Variants in TOX observed in about 807,000 individuals in gnomAD.
TOX encodes the protein thymocyte selection-associated high mobility group box protein TOX.
TOX carries 11 observed loss-of-function variants against 53.7 expected under a neutral mutation model. That is an observed-to-expected ratio of 0.20 (90% CI 0.13 to 0.34). The LOEUF (loss-of-function observed/expected upper bound fraction) is 0.34, where lower values mean the gene tolerates loss of function less well. Ranked by LOEUF, TOX falls within the 10% of genes least tolerant of loss-of-function variation. TOX has a pLI of 1.00. For synonymous variants in TOX, 225 were observed against 245.3 expected, an observed-to-expected ratio of 0.92 and a Z score of 0.77; for missense variants, 570 against 664.6, an observed-to-expected ratio of 0.86 and a Z score of 1.56.
chr8:58,978,455 C>G (rs547628176), intron 1 of TOX, among the ~76,000 whole-genome samples: 2 of 152,206 alleles, frequency 1.3e-5, no homozygotes, highest in Admixed American at 1.3e-4. Flanking sequence ...TATGCACGCA[C>G]AGTGGTCTTA....
At chr8:59,062,213 G>A (rs1192784190) in intron 1 of TOX, among the ~76,000 whole-genome samples, 1 of 152,154 alleles carries the variant, frequency 6.6e-6, no homozygotes, top group African/African-American at 2.4e-5. Flanking sequence ...GAAGGGGTAA[G>A]GAGAGGTGGT....
intron 1 of TOX, among the ~76,000 whole-genome samples, chr8:59,030,649 T>G (rs773623704): frequency 2.0e-5 from 3 of 152,214 alleles, no homozygotes; most frequent in Non-Finnish European, 4.4e-5. Flanking sequence ...TAGAGTTCCT[T>G]GGTAACATCT....
Position 59,077,127 on chromosome 8 carries a change from A to G in TOX, c.102+41759T>C, listed in dbSNP as rs548530491. 3.3e-5 allele frequency among the ~76,000 whole-genome samples: 5 copies of G among 152,292 alleles called. No homozygotes were observed. In the South Asian group the frequency reaches 1.0e-3, roughly 32 times the overall value. ...GCAGAGCTCTGACCCACACCCCATA[A>G]GGCAGCTCTGCTCTGGGATGAACAT... On this transcript the variant is annotated intron_variant, in intron 1 of 8. Transcript: ENST00000361421.
At chr8:59,047,799 C>T (rs1803716617) in intron 1 of TOX, among the ~76,000 whole-genome samples, 2 of 152,104 alleles carry the variant, frequency 1.3e-5, no homozygotes, top group Admixed American at 1.3e-4. Flanking sequence ...CAAAACATCA[C>T]AGAATTCAAT....
intron 1 of TOX, among the ~76,000 whole-genome samples, chr8:59,072,878 C>G (rs572938958): frequency 2.8e-4 from 42 of 152,182 alleles, no homozygotes; most frequent in Non-Finnish European, 5.4e-4. Flanking sequence ...TCCAGAATGT[C>G]TTATACTTTG....
At chr8:58,909,660 C>T (rs1213452637) in intron 3 of TOX, among the ~76,000 whole-genome samples, 5 of 143,038 alleles carry the variant, frequency 3.5e-5, no homozygotes, top group African/African-American at 1.3e-4. Context: ...CTCTCTCTCT[C>T]TTTTTTTTTT....
At chr8:58,810,470 A>G (rs1038917708) in intron 7 of TOX, among the ~76,000 whole-genome samples, 4 of 152,116 alleles carry the variant, frequency 2.6e-5, no homozygotes, top group Non-Finnish European at 4.4e-5. Context: ...CCTCCCAAGT[A>G]GCTGGGACTA....
intron 1 of TOX, among the ~76,000 whole-genome samples, chr8:59,046,773 C>T (rs779642209): frequency 1.4e-4 from 19 of 134,658 alleles, no homozygotes; most frequent in Non-Finnish European, 2.5e-4. Flanking sequence ...CATGAGAATT[C>T]GCTTGAACCT....
At chr8:59,079,914 G>A (rs934158806) in intron 1 of TOX, among the ~76,000 whole-genome samples, 2 of 152,174 alleles carry the variant, frequency 1.3e-5, no homozygotes, top group African/African-American at 4.8e-5. Context: ...GCTGCCCAAG[G>A]CCTTGGAACC....
At chr8:58,817,864 G>A (rs1415530817) in intron 6 of TOX, among the ~76,000 whole-genome samples, 3 of 152,098 alleles carry the variant, frequency 2.0e-5, no homozygotes, top group South Asian at 4.2e-4. Flanking sequence ...CTGTAAAAAT[G>A]TTTTCATTTT....
At chr8:58,835,459 T>A (rs1810529815) in intron 5 of TOX, among the ~76,000 whole-genome samples, 1 of 152,124 alleles carries the variant, frequency 6.6e-6, no homozygotes. Context: ...ATTTTTGGGG[T>A]CTGTAAATAA....
intron 3 of TOX, among the ~76,000 whole-genome samples, chr8:58,911,954 G>A (rs1320782597): frequency 3.3e-5 from 5 of 152,064 alleles, no homozygotes; most frequent in South Asian, 2.1e-4. Context: ...TGCCTACCTC[G>A]GCCTCCCAAA....
chr8:59,105,114 A>T (rs961406094), intron 1 of TOX, among the ~76,000 whole-genome samples: 6 of 152,058 alleles, frequency 3.9e-5, no homozygotes, highest in Non-Finnish European at 7.4e-5. Flanking sequence ...CGCATTCCAA[A>T]TTTTTTTTAA....
chr8:59,009,053 C>T (rs1813847281), intron 1 of TOX, among the ~76,000 whole-genome samples: 1 of 151,834 alleles, frequency 6.6e-6, no homozygotes, highest in African/African-American at 2.4e-5. Flanking sequence ...TTCCATTTTT[C>T]CTTCCTTTCT....
chr8:58,892,707 A>G (rs1220997753), intron 3 of TOX, among the ~76,000 whole-genome samples: 1 of 152,124 alleles, frequency 6.6e-6, no homozygotes, highest in African/African-American at 2.4e-5. Flanking sequence ...AAATGTATGG[A>G]CTGTATTGCT....
chr8:58,975,492 C>G (rs1813079693), intron 1 of TOX, among the ~76,000 whole-genome samples: 1 of 152,016 alleles, frequency 6.6e-6, no homozygotes, highest in Admixed American at 6.6e-5. Context: ...CACAATAAAG[C>G]AAATATCAAA....
In TOX at chr8:58,901,713, C is replaced by T. The variant is rs188096252; in HGVS notation, c.411+37589G>A. On this transcript the variant is annotated intron_variant, in intron 3 of 8. Transcript: ENST00000361421. ...TTTAGAGTAAAATGTCTTGAAATTT[C>T]CAGTAAGAATGAAGAAATCTTCAGC... 3.6e-3 allele frequency among the ~76,000 whole-genome samples: 547 copies of T among 152,142 alleles called. 5 individuals carry two copies. The highest frequency in any genetic ancestry group is 0.01 in the Middle Eastern group (3 of 292).
At chr8:59,015,645 A>T (rs1022414554) in intron 1 of TOX, among the ~76,000 whole-genome samples, 2 of 152,238 alleles carry the variant, frequency 1.3e-5, no homozygotes, top group Non-Finnish European at 2.9e-5. Context: ...TAAAAAAGAC[A>T]GTGCTTTATC....
intron 3 of TOX, among the ~76,000 whole-genome samples, chr8:58,870,969 A>G (rs975591805): frequency 1.1e-4 from 17 of 152,162 alleles, no homozygotes; most frequent in African/African-American, 3.4e-4. Flanking sequence ...ATGTATGTTC[A>G]TACCAAAACC....
Sources: gnomAD v4.1 joint callset for allele counts (sites outside exome capture counted in the v4.1 genomes callset) on GRCh38, gnomAD v4.1.1 for gene constraint, MANE v1.5 for transcripts, NCBI Gene and HGNC (gene_info 2026-07-23, HGNC 2026-07-21) for gene names.